The following CSMD1 variants were observed in gnomAD, a reference collection of about 807,000 sequenced individuals.
CSMD1 encodes CUB and Sushi multiple domains 1.
CSMD1 carries 213 observed loss-of-function variants against 417.5 expected under a neutral mutation model. The ratio of observed to expected loss-of-function variants is 0.51; its 90% confidence interval spans 0.46 to 0.57. CSMD1 has a LOEUF of 0.57. CSMD1 is among the 20% of genes least tolerant of loss of function. The pLI, the probability that CSMD1 is intolerant of heterozygous loss-of-function variation, is 0.00. For synonymous variants in CSMD1, 2,862 were observed against 1,736.8 expected, an observed-to-expected ratio of 1.65 and a Z score of -16.11; for missense variants, 6,923 against 4,529.7, an observed-to-expected ratio of 1.53 and a Z score of -15.17.
intron 29 of CSMD1, among the ~76,000 whole-genome samples, chr8:3,215,860 C>T (rs1797851529): frequency 1.3e-5 from 2 of 151,804 alleles, no homozygotes; most frequent in South Asian, 4.1e-4. Flanking sequence ...ACCTGATTAA[C>T]TGTATTTATT....
chr8:4,078,491 C>G (rs1193173528), intron 3 of CSMD1, among the ~76,000 whole-genome samples: 3 of 151,714 alleles, frequency 2.0e-5, no homozygotes, highest in Non-Finnish European at 4.4e-5. Context: ...GTCTCGATCT[C>G]CTGACCTTGT....
chr8:3,813,882 G>C (rs1024962055), intron 5 of CSMD1, among the ~76,000 whole-genome samples: 1 of 152,124 alleles, frequency 6.6e-6, no homozygotes, highest in South Asian at 2.1e-4. Flanking sequence ...AAGAGAAAGT[G>C]ATCGCTTTTC....
intron 17 of CSMD1, among the ~76,000 whole-genome samples, chr8:3,395,441 T>C (rs1426985688): frequency 6.6e-6 from 1 of 152,194 alleles, no homozygotes; most frequent in Non-Finnish European, 1.5e-5. Context: ...TCCCATCAGC[T>C]AGATTTCAGA....
intron 10 of CSMD1, among the ~76,000 whole-genome samples, chr8:3,547,291 G>C (rs917742215): frequency 6.6e-6 from 1 of 152,208 alleles, no homozygotes; most frequent in African/African-American, 2.4e-5. Context: ...TACTCGACAA[G>C]AAAATGAAAT....
intron 2 of CSMD1, among the ~76,000 whole-genome samples, chr8:4,516,505 C>G (rs747176824): frequency 6.6e-6 from 1 of 152,126 alleles, no homozygotes; most frequent in East Asian, 1.9e-4. Context: ...CTATGATCCC[C>G]CTTCCTTGGG....
intron 54 of CSMD1, among the ~76,000 whole-genome samples, chr8:2,995,108 C>T (rs549239309): frequency 1.6e-4 from 24 of 152,068 alleles, no homozygotes; most frequent in Admixed American, 8.5e-4. Flanking sequence ...GAAAGTCAAA[C>T]GAGAGACTGG....
chr8:4,360,497 C>T (rs910181042), intron 3 of CSMD1, among the ~76,000 whole-genome samples: 1 of 152,070 alleles, frequency 6.6e-6, no homozygotes, highest in Non-Finnish European at 1.5e-5. Context: ...CCTGTTCCTC[C>T]CAGGTTCTTT....
intron 3 of CSMD1, among the ~76,000 whole-genome samples, chr8:4,109,401 T>A (rs1048336371): frequency 1.3e-5 from 2 of 152,108 alleles, no homozygotes; most frequent in African/African-American, 4.8e-5. Flanking sequence ...CTAGCAAAAA[T>A]AAAGAATCTT....
At chr8:4,855,675 T>C (rs1427173670) in intron 1 of CSMD1, among the ~76,000 whole-genome samples, 2 of 151,770 alleles carry the variant, frequency 1.3e-5, no homozygotes, top group African/African-American at 4.8e-5. Flanking sequence ...CGATGGAAGA[T>C]GAAATGAATG....
In CSMD1 at chr8:3,151,453, C is replaced by A; in HGVS notation, c.5975G>T (p.Gly1992Val). ...GGVILSPGFP[G>V]SYPNNLDCTW... ...GCAGTCTAAGTTGTTGGGGTAAGAACCTGGGAAGCCGGGGCTCAGGATCAC... is the reference window on the plus strand; with the variant it reads ...GCAGTCTAAGTTGTTGGGGTAAGAAACTGGGAAGCCGGGGCTCAGGATCAC... Residue 1992 changes from glycine (G) to valine (V), a missense_variant, in exon 40 of 70, where the codon GGT (glycine) becomes GTT (valine). Transcript: ENST00000635120. 6.2e-7 allele frequency: 1 copy of A among 1,613,860 alleles called. No individual in the cohort carries two copies. Among genetic ancestry groups the A allele is most frequent in the Non-Finnish European group, 8.5e-7 (1 of 1,179,910 alleles).
chr8:2,984,537 C>A (rs971837259), intron 54 of CSMD1, among the ~76,000 whole-genome samples: 1 of 152,150 alleles, frequency 6.6e-6, no homozygotes, highest in Non-Finnish European at 1.5e-5. Flanking sequence ...TTAGTACAGA[C>A]AGGGTTTCAC....
chr8:3,494,599 GATA>G (rs1796287937), intron 10 of CSMD1, among the ~76,000 whole-genome samples: 1 of 138,046 alleles, frequency 7.2e-6, no homozygotes, highest in Non-Finnish European at 1.6e-5. Flanking sequence ...TAGATAGATA[GATA>G]GATAGATGAC....
chr8:3,381,911 T>C (rs916112861), intron 18 of CSMD1, among the ~76,000 whole-genome samples: 2 of 152,202 alleles, frequency 1.3e-5, no homozygotes, highest in African/African-American at 2.4e-5. Flanking sequence ...CTATACAGTA[T>C]ATGCATATAC....
At chr8:4,724,633 AT>A (rs1809296220) in intron 1 of CSMD1, among the ~76,000 whole-genome samples, 1 of 152,024 alleles carries the variant, frequency 6.6e-6, no homozygotes, top group Non-Finnish European at 1.5e-5. Context: ...TTTGGAAAAA[AT>A]AAATGTAAGT....
At chr8:4,751,978 G>A (rs1178826673) in intron 1 of CSMD1, among the ~76,000 whole-genome samples, 1 of 152,020 alleles carries the variant, frequency 6.6e-6, no homozygotes, top group African/African-American at 2.4e-5. Context: ...ACATATACAC[G>A]ACTGTATATA....
At chr8:4,152,730 A>G (rs906158547) in intron 3 of CSMD1, among the ~76,000 whole-genome samples, 2 of 151,802 alleles carry the variant, frequency 1.3e-5, no homozygotes, top group Non-Finnish European at 2.9e-5. Flanking sequence ...CACACACACA[A>G]TAGATATATA....
At chr8:4,409,765 G>A (rs1346851156) in intron 3 of CSMD1, among the ~76,000 whole-genome samples, 2 of 151,862 alleles carry the variant, frequency 1.3e-5, no homozygotes, top group Non-Finnish European at 2.9e-5. Flanking sequence ...AACTGTTCCA[G>A]GAGAATGTAA....
intron 59 of CSMD1, among the ~76,000 whole-genome samples, chr8:2,965,362 C>T (rs749351761): frequency 6.6e-6 from 1 of 152,174 alleles, no homozygotes; most frequent in Non-Finnish European, 1.5e-5. Context: ...CAGTGCTCTG[C>T]CATTACTAGG....
At chr8:4,407,270 T>C (rs775087808) in intron 3 of CSMD1, among the ~76,000 whole-genome samples, 18 of 152,182 alleles carry the variant, frequency 1.2e-4, no homozygotes, top group Admixed American at 4.6e-4. Flanking sequence ...TGACCTTAAC[T>C]TTTGGAGTAA....
Sources: allele counts gnomAD v4.1 joint callset (sites outside exome capture counted in the v4.1 genomes callset), GRCh38; gene constraint gnomAD v4.1.1; transcripts MANE v1.5; gene names NCBI Gene and HGNC (gene_info 2026-07-23, HGNC 2026-07-21).